The following CEP63 variants were observed in gnomAD, a reference collection of about 807,000 sequenced individuals.
The protein encoded by CEP63 is centrosomal protein 63, also known as centrosomal protein of 63 kDa.
A neutral mutation model predicts 89.1 loss-of-function variants in CEP63; 84 were observed. That is an observed-to-expected ratio of 0.94 (90% CI 0.79 to 1.13). CEP63 has a LOEUF of 1.13. Among genes scored for constraint, CEP63 ranks in the 50% most tolerant of loss-of-function variants. CEP63 has a pLI of 0.00. For synonymous variants in CEP63, 267 were observed against 272.5 expected (o/e 0.98, Z 0.20); for missense variants, 838 against 813.3 (o/e 1.03, Z -0.37).
chr3:134,539,800 T>G (rs1951624248), intron 6 of CEP63, among the ~76,000 whole-genome samples: 1 of 152,238 alleles, frequency 6.6e-6, no homozygotes. Context: ...AATTCATTTC[T>G]TTTAATCAGC....
At chr3:134,610,385 T>C in the CEP63 span, 1 of 1,610,056 alleles carries the variant, frequency 6.2e-7, no homozygotes. Context: ...CCGGCGAGCC[T>C]GGGGGCAGGA....
the CEP63 span, among the ~76,000 whole-genome samples, chr3:134,675,801 G>C: frequency 2.6e-5 from 4 of 152,262 alleles, no homozygotes; most frequent in South Asian, 8.3e-4. Context: ...TAGTCATTAG[G>C]AAAATGCAAA....
At chr3:134,677,100 G>A in the CEP63 span, among the ~76,000 whole-genome samples, 11 of 152,132 alleles carry the variant, frequency 7.2e-5, no homozygotes, top group African/African-American at 2.4e-4. Flanking sequence ...AGCTGGGCGT[G>A]GTGGTGCGTG....
Position 134,564,240 on chromosome 3 carries a change from C to G in CEP63, c.*2705C>G. ...TTAGGAGAGGCTCAGCTAGTTTGAACCAATGGAAAATGCCATTCCTGAGGT... is the reference window on the plus strand; with the variant it reads ...TTAGGAGAGGCTCAGCTAGTTTGAAGCAATGGAAAATGCCATTCCTGAGGT... On this transcript the variant is annotated 3_prime_UTR_variant, in exon 15 of 15. Coordinates refer to ENST00000675561, the MANE Select transcript of CEP63 (RefSeq NM_001353108.3). 1 of 985,330 alleles carries G rather than the reference C, an allele frequency of 1.0e-6. No individual in the cohort carries two copies. The highest frequency in any genetic ancestry group is 1.2e-6 in the Non-Finnish European group (1 of 829,882). 61.0% of individuals were successfully genotyped at this position (985,330 alleles called of 1,614,324 possible).
intron 3 of CEP63, among the ~76,000 whole-genome samples, chr3:134,508,084 G>A (rs1943916269): frequency 6.6e-6 from 1 of 152,246 alleles, no homozygotes; most frequent in Middle Eastern, 3.4e-3. Flanking sequence ...AGCTTATTCA[G>A]GTACACTTCT....
At chr3:134,608,902 C>T in the CEP63 span, 1 of 1,540,954 alleles carries the variant, frequency 6.5e-7, no homozygotes, top group Non-Finnish European at 8.8e-7. Flanking sequence ...GCCCAATACA[C>T]CCACCGGAGT....
Position 134,528,569 on chromosome 3 carries a change from C to CGTGTGTGTGTGTGTGTGTGT in CEP63, c.223-3270_223-3251dup, listed in dbSNP as rs34415967. Reference sequence around the variant, plus strand: ...TTAAGGAGGGGTGTGTGTGTGTGTGCGTGTGTGTGTGTGTGTGTGTGTGTG... The same window carrying CGTGTGTGTGTGTGTGTGTGT: ...TTAAGGAGGGGTGTGTGTGTGTGTGCGTGTGTGTGTGTGTGTGTGTGTGTGTGTGTGTGTGTGTGTGTGTG... On this transcript the variant is annotated intron_variant, in intron 3 of 14. Transcript: ENST00000675561. 4.7e-4 allele frequency among the ~76,000 whole-genome samples: 69 copies of CGTGTGTGTGTGTGTGTGTGT among 147,126 alleles called. 1 individual carries two copies. Among genetic ancestry groups the CGTGTGTGTGTGTGTGTGTGT allele is most frequent in the Non-Finnish European group, 6.6e-4 (44 of 66,700 alleles).
chr3:134,740,536 A>T, the CEP63 span, among the ~76,000 whole-genome samples: 72 of 152,132 alleles, frequency 4.7e-4, no homozygotes, highest in Non-Finnish European at 9.1e-4. Flanking sequence ...TGACCTCGTG[A>T]TCCGCCCGCC....
intron 3 of CEP63, among the ~76,000 whole-genome samples, chr3:134,512,020 TG>T (rs1945089669): frequency 6.6e-6 from 1 of 152,202 alleles, no homozygotes; most frequent in Non-Finnish European, 1.5e-5. Context: ...TGTAAATCAT[TG>T]TAGAGAGCAA....
chr3:134,760,664 TG>T, the CEP63 span, among the ~76,000 whole-genome samples: 1 of 152,228 alleles, frequency 6.6e-6, no homozygotes, highest in African/African-American at 2.4e-5. Context: ...GACATGATGC[TG>T]GGACCAGAGA....
intron 11 of CEP63, among the ~76,000 whole-genome samples, chr3:134,573,379 C>G (rs549090377): frequency 3.9e-5 from 6 of 152,232 alleles, no homozygotes; most frequent in Middle Eastern, 3.4e-3. Flanking sequence ...TTCTTATAAT[C>G]TGAAATTTTA....
chr3:134,752,666 C>T, the CEP63 span, among the ~76,000 whole-genome samples: 4 of 152,112 alleles, frequency 2.6e-5, no homozygotes, highest in Admixed American at 6.5e-5. Context: ...TCCCTGACAC[C>T]GAGTGGGCAA....
the CEP63 span, among the ~76,000 whole-genome samples, chr3:134,664,504 C>T: frequency 2.0e-5 from 3 of 152,182 alleles, no homozygotes; most frequent in Admixed American, 6.5e-5. Flanking sequence ...CAGAGACAGC[C>T]CTCTGTGCAT....
chr3:134,502,395 G>C (rs1942250810), intron 2 of CEP63, among the ~76,000 whole-genome samples: 2 of 151,990 alleles, frequency 1.3e-5, no homozygotes, highest in Non-Finnish European at 2.9e-5. Context: ...TTTCAGTAGT[G>C]GTACTACCTC....
downstream of CEP63, among the ~76,000 whole-genome samples, chr3:134,579,113 G>A (rs1958286954): frequency 1.3e-5 from 2 of 152,204 alleles, no homozygotes; most frequent in African/African-American, 4.8e-5. Context: ...GTTAACACTT[G>A]ACAACCGTAT....
chr3:134,701,664 C>T, the CEP63 span, among the ~76,000 whole-genome samples: 689 of 151,968 alleles, frequency 4.5e-3, 4 homozygotes, highest in African/African-American at 0.016. Flanking sequence ...TGAAAAATGG[C>T]ACAAGACAAG....
Position 134,545,601 on chromosome 3 carries a change from C to A in CEP63, c.571C>A (p.Arg191=). Residue 191 remains arginine, a synonymous_variant, in exon 7 of 15, where the codon CGG becomes AGG. Transcript: ENST00000675561. ...SEIIQAQLVN[R]KQKLESVELS... ...GTGTTTCTAGGCTCAGCTTGTCAAT[C>A]GGAAACAGAAATTAGAGTCTGTGGA... 13 of 1,613,710 alleles carry A rather than the reference C, an allele frequency of 8.1e-6. No homozygotes were observed. Among genetic ancestry groups the A allele is most frequent in the Non-Finnish European group, 1.1e-5 (13 of 1,179,686 alleles).
chr3:134,715,338 C>T, the CEP63 span, among the ~76,000 whole-genome samples: 1 of 152,080 alleles, frequency 6.6e-6, no homozygotes, highest in African/African-American at 2.4e-5. Context: ...CCTGAATTTC[C>T]TCACTTATTA....
chr3:134,728,692 T>G, the CEP63 span, among the ~76,000 whole-genome samples: 1 of 152,224 alleles, frequency 6.6e-6, no homozygotes, highest in African/African-American at 2.4e-5. Context: ...TTGCAAAGGA[T>G]GCTTTTGCTT....
Sources: allele counts gnomAD v4.1 joint callset (sites outside exome capture counted in the v4.1 genomes callset), GRCh38; gene constraint gnomAD v4.1.1; transcripts MANE v1.5; gene names NCBI Gene and HGNC (gene_info 2026-07-23, HGNC 2026-07-21).